XPR1: variants seen among roughly 807,000 people sequenced by gnomAD.
The protein encoded by XPR1 is xenotropic and polytropic retrovirus receptor 1, also known as solute carrier family 53 member 1.
XPR1 carries 28 observed loss-of-function variants against 87.5 expected under a neutral mutation model. The ratio of observed to expected loss-of-function variants is 0.32; its 90% confidence interval spans 0.24 to 0.44. XPR1 has a LOEUF of 0.44. Ranked by LOEUF, XPR1 falls within the 20% of genes least tolerant of loss-of-function variation. XPR1 has a pLI of 1.00. For missense variants in XPR1, 559 were observed against 862.3 expected (o/e 0.65, Z 4.41); for synonymous variants, 300 against 306.1 (o/e 0.98, Z 0.21).
At chr1:180,799,734 ACT>A in intron 3 of XPR1, among the ~76,000 whole-genome samples, 1 of 152,116 alleles carries the variant, frequency 6.6e-6, no homozygotes, top group Non-Finnish European at 1.5e-5. Flanking sequence ...CCCAGGGGTG[ACT>A]CTGGGGTTCA....
At chr1:180,802,666 T>C (rs1407280712) in intron 3 of XPR1, among the ~76,000 whole-genome samples, 3 of 152,200 alleles carry the variant, frequency 2.0e-5, no homozygotes, top group African/African-American at 7.2e-5. Context: ...CTCGTACCCA[T>C]TAGCAATCAC....
At chr1:180,881,047 G>A (rs186500781) in intron 14 of XPR1, among the ~76,000 whole-genome samples, 2 of 152,244 alleles carry the variant, frequency 1.3e-5, no homozygotes, top group Non-Finnish European at 1.5e-5. Context: ...GAAATGAAGT[G>A]CAGAAAGAAA....
chr1:180,818,216 C>T (rs1380874194), intron 7 of XPR1, among the ~76,000 whole-genome samples: 1 of 152,122 alleles, frequency 6.6e-6, no homozygotes, highest in East Asian at 1.9e-4. Context: ...TTCCTATACA[C>T]ATACATTACT....
At chr1:180,882,992 TCA>T (rs1360621056) in intron 14 of XPR1, among the ~76,000 whole-genome samples, 2 of 152,018 alleles carry the variant, frequency 1.3e-5, no homozygotes, top group Non-Finnish European at 2.9e-5. Flanking sequence ...AGACATGGTC[TCA>T]GTCTGTCACC....
At chr1:180,883,858 C>T in intron 14 of XPR1, 148 bp from the exon 15 acceptor site, 1 of 588,874 alleles carries the variant, frequency 1.7e-6, no homozygotes, top group Middle Eastern at 2.8e-4. Context: ...GAATAGGAAA[C>T]TCTAGAATAA....
chr1:180,653,213 G>C (rs1451686801), intron 1 of XPR1, among the ~76,000 whole-genome samples: 1 of 152,122 alleles, frequency 6.6e-6, no homozygotes, highest in Non-Finnish European at 1.5e-5. Context: ...AGGCTAACCT[G>C]TACAGGGTTA....
At chr1:180,741,140 C>T (rs904115017) in intron 2 of XPR1, among the ~76,000 whole-genome samples, 7 of 152,140 alleles carry the variant, frequency 4.6e-5, no homozygotes, top group African/African-American at 1.7e-4. Context: ...GGTTGATCCC[C>T]TCCTTGAAGT....
rs1216062027 is a variant in XPR1, at chr1:180,659,224, TCCTTCCTTCCTTCCTTCCTTCCTTCCTC to T, written c.70-23132_70-23105del. 3.8e-4 allele frequency among the ~76,000 whole-genome samples: 26 copies of T among 68,450 alleles called. 1 individual carries two copies. The highest frequency in any genetic ancestry group is 2.5e-3 in the East Asian group (7 of 2,836). 44.9% of individuals were successfully genotyped at this position (68,450 alleles called of 152,430 possible). On this transcript the variant is annotated intron_variant, in intron 1 of 14. Transcript: ENST00000367590. Reference sequence around the variant, plus strand: ...TTCCTTCCTTCCTTCCTTCCTTCCTTCCTTCCTTCCTTCCTTCCTTCCTTCCTCCCTCCCTCCCTCCCTCCCTCCCTCC... The same window carrying T: ...TTCCTTCCTTCCTTCCTTCCTTCCTTCCTCCCTCCCTCCCTCCCTCCCTCC...
At chr1:180,834,691 G>A (rs556965968) in intron 9 of XPR1, among the ~76,000 whole-genome samples, 183 bp from the exon 10 acceptor site, 6 of 152,174 alleles carry the variant, frequency 3.9e-5, no homozygotes, top group African/African-American at 7.2e-5. Flanking sequence ...TATCCATTCA[G>A]CTCATTCCTT....
At chr1:180,685,716 G>T (rs574051439) in intron 2 of XPR1, among the ~76,000 whole-genome samples, 15 of 152,252 alleles carry the variant, frequency 9.9e-5, no homozygotes, top group Non-Finnish European at 1.5e-4. Context: ...TAGTCTTGGG[G>T]AGGATGTATG....
At chr1:180,682,113 T>C (rs769660884) in intron 1 of XPR1, among the ~76,000 whole-genome samples, 12 of 152,208 alleles carry the variant, frequency 7.9e-5, no homozygotes, top group Non-Finnish European at 1.6e-4. Context: ...TGATTTTTCA[T>C]CCTTTTCCAG....
At chr1:180,792,659 G>A (rs919431464) in intron 3 of XPR1, among the ~76,000 whole-genome samples, 3 of 152,152 alleles carry the variant, frequency 2.0e-5, no homozygotes, top group African/African-American at 4.8e-5. Context: ...AATTGTGAAA[G>A]GGAGGGGTCC....
chr1:180,823,251 A>G (rs564489494), intron 7 of XPR1, among the ~76,000 whole-genome samples: 3 of 152,030 alleles, frequency 2.0e-5, no homozygotes, highest in Admixed American at 1.3e-4. Context: ...AAAAAAAAAA[A>G]ACAAAAGTTT....
chr1:180,882,967 G>GTTTTTTT (rs1156645233), intron 14 of XPR1, among the ~76,000 whole-genome samples: 2 of 150,542 alleles, frequency 1.3e-5, no homozygotes, highest in African/African-American at 5.0e-5. Flanking sequence ...TTGGGGGTTG[G>GTTTTTTT]TTGTTTTTTT....
chr1:180,859,815 A>G (rs2102202351), intron 11 of XPR1, among the ~76,000 whole-genome samples: 1 of 152,262 alleles, frequency 6.6e-6, no homozygotes, highest in Non-Finnish European at 1.5e-5. Context: ...TGATTCAGAA[A>G]AGAAAGATAC....
At chr1:180,689,631 A>G (rs984105973) in intron 2 of XPR1, among the ~76,000 whole-genome samples, 2 of 152,210 alleles carry the variant, frequency 1.3e-5, no homozygotes, top group African/African-American at 4.8e-5. Context: ...CATAGAATAG[A>G]TACCATGAGG....
intron 13 of XPR1, 116 bp from the exon 14 acceptor site, chr1:180,879,960 C>A: frequency 9.3e-7 from 1 of 1,077,872 alleles, no homozygotes. Flanking sequence ...AATATTCAAG[C>A]CCTTAATTCT....
At chr1:180,765,071 T>C (rs113772399) in intron 2 of XPR1, among the ~76,000 whole-genome samples, 6,539 of 152,184 alleles carry the variant, frequency 0.043, 502 homozygotes, top group African/African-American at 0.15. Flanking sequence ...AGGCGTGAGC[T>C]ACCGCGCTCG....
At chr1:180,799,778 C>T (rs867038740) in intron 3 of XPR1, among the ~76,000 whole-genome samples, 1 of 152,140 alleles carries the variant, frequency 6.6e-6, no homozygotes, top group South Asian at 2.1e-4. Flanking sequence ...TGAGTAGCTG[C>T]ATTATCAGAT....
Sources: allele counts gnomAD v4.1 joint callset (sites outside exome capture counted in the v4.1 genomes callset), GRCh38; gene constraint gnomAD v4.1.1; transcripts MANE v1.5; gene names NCBI Gene and HGNC (gene_info 2026-07-23, HGNC 2026-07-21).